MTFP1: variants seen among roughly 807,000 people sequenced by gnomAD.
The protein encoded by MTFP1 is mitochondrial fission process protein 1.
In MTFP1, 19 loss-of-function variants were observed where a neutral mutation model predicts 17.1. The observed-to-expected ratio is 1.11, with a 90% CI of 0.77 to 1.63. The LOEUF is 1.63. Among genes scored for constraint, MTFP1 ranks in the 40% most tolerant of loss-of-function variants. MTFP1 has a pLI of 0.00. For synonymous variants in MTFP1, 89 were observed against 95.2 expected, an observed-to-expected ratio of 0.93 and a Z score of 0.38; for missense variants, 221 against 226.2, an observed-to-expected ratio of 0.98 and a Z score of 0.15.
intron 1 of MTFP1, among the ~76,000 whole-genome samples, chr22:30,426,337 T>C (rs1292549959): frequency 1.3e-5 from 2 of 151,974 alleles, no homozygotes; most frequent in Admixed American, 1.3e-4. Context: ...TGGGTGGTGG[T>C]TGCGAGGGTG....
At chr22:30,426,634 C>G in intron 1 of MTFP1, 83 bp from the exon 2 acceptor site, 1 of 1,556,144 alleles carries the variant, frequency 6.4e-7, no homozygotes, top group African/African-American at 1.4e-5. Context: ...GACTGCTTAG[C>G]TGGCTAGGAT....
chr22:30,426,264 C>A (rs1934666886), intron 1 of MTFP1, among the ~76,000 whole-genome samples: 1 of 152,054 alleles, frequency 6.6e-6, no homozygotes. Flanking sequence ...TCAGTTTCCT[C>A]CTCGGCAAAA....
rs1002984934 is a variant in MTFP1, at chr22:30,428,563, G to A, written c.*29G>A. ...TACTCTGGTACCTGGCCTGTGCATC[G>A]GCCTCCTGCTTCATGTCAACCTCCT... On this transcript the variant is annotated 3_prime_UTR_variant, in exon 4 of 4. Coordinates refer to ENST00000266263, the MANE Select transcript of MTFP1 (RefSeq NM_016498.5). 10 of 1,614,014 alleles carry A rather than the reference G, an allele frequency of 6.2e-6. No individual in the cohort carries two copies. The highest frequency in any genetic ancestry group is 6.8e-6 in the Non-Finnish European group (8 of 1,180,018).
intron 2 of MTFP1, 156 bp from the exon 3 acceptor site, chr22:30,427,015 C>A: frequency 7.3e-7 from 1 of 1,361,134 alleles, no homozygotes; most frequent in Non-Finnish European, 1.0e-6. Context: ...TGCCCCCACA[C>A]TCCCACTCCC....
intron 3 of MTFP1, 111 bp downstream of exon 3, chr22:30,427,514 T>C (rs1934696125): frequency 2.5e-6 from 3 of 1,178,098 alleles, no homozygotes; most frequent in East Asian, 2.4e-5. Flanking sequence ...CCCACTTTGC[T>C]GGAGCAATAG....
chr22:30,425,774 C>A lies in MTFP1; in HGVS notation c.-106C>A. The A allele has an allele frequency of 2.5e-6, 3 of 1,200,692 alleles. No individual in the cohort carries two copies. Among genetic ancestry groups the A allele is most frequent in the East Asian group, 3.0e-5 (1 of 33,110 alleles). The allele number at this position is 1,200,692 out of a possible 1,614,324, so 74.4% of individuals were successfully genotyped here. A position where few individuals can be genotyped will look rare whatever the true frequency, so the allele number is the denominator to read the frequency against. Reference sequence around the variant, plus strand: ...GGAGATTTCCTGACCTGTCCTTCGGCGCGGGACTTTCGGCGGGTCCCGGCC... The same window carrying A: ...GGAGATTTCCTGACCTGTCCTTCGGAGCGGGACTTTCGGCGGGTCCCGGCC... On this transcript the variant is annotated 5_prime_UTR_variant, in exon 1 of 4. Transcript: ENST00000266263.
chr22:30,427,938 A>G (rs1443211758), intron 3 of MTFP1, among the ~76,000 whole-genome samples: 1 of 152,120 alleles, frequency 6.6e-6, no homozygotes, highest in Non-Finnish European at 1.5e-5. Context: ...TTGTGGGAGT[A>G]GAAATGGCCC....
At chr22:30,428,413 C>T (rs1486644812) in intron 3 of MTFP1, 49 bp from the exon 4 acceptor site, 3 of 1,548,616 alleles carry the variant, frequency 1.9e-6, no homozygotes, top group South Asian at 1.1e-5. Context: ...CTTCTGTTCC[C>T]TCATGAACAC....
intron 1 of MTFP1, 77 bp from the exon 2 acceptor site, chr22:30,426,640 A>G: frequency 1.3e-6 from 2 of 1,570,168 alleles, no homozygotes; most frequent in Non-Finnish European, 1.7e-6. Flanking sequence ...TTAGCTGGCT[A>G]GGATGAGAAC....
rs984452987 is a variant in MTFP1, at chr22:30,428,971, A to C, written c.*437A>C. ...AGGAGCGGCAGACAACTCAGGGAGA[A>C]ACTCAGGAGTGCAGTACCAGGGACA... On this transcript the variant is annotated 3_prime_UTR_variant, in exon 4 of 4. Transcript: ENST00000266263. 9.3e-6 allele frequency: 4 copies of C among 432,072 alleles called. No homozygotes were observed. The highest frequency in any genetic ancestry group is 8.0e-5 in the African/African-American group (4 of 49,756). The allele number at this position is 432,072 out of a possible 1,614,324, so 26.8% of individuals were successfully genotyped here.
rs763236441 is a variant in MTFP1, at chr22:30,428,773, G to A, written c.*239G>A. 4.1e-6 allele frequency: 5 copies of A among 1,208,598 alleles called. No homozygotes were observed. The highest frequency in any genetic ancestry group is 1.3e-5 in the South Asian group (1 of 78,022). The allele number at this position is 1,208,598 out of a possible 1,614,324, so 74.9% of individuals were successfully genotyped here. A position where few individuals can be genotyped will look rare whatever the true frequency, so the allele number is the denominator to read the frequency against. On this transcript the variant is annotated 3_prime_UTR_variant, in exon 4 of 4. Transcript: ENST00000266263. ...GGAATCCAAGATGCTGAGTGGAAGT[G>A]GACCCTGGGTGGGCCCGGCCCTGTC...
chr22:30,427,110 C>T, intron 2 of MTFP1, 61 bp from the exon 3 acceptor site: 1 of 1,570,710 alleles, frequency 6.4e-7, no homozygotes, highest in Non-Finnish European at 8.8e-7. Context: ...AGCCTCGTGC[C>T]CCTTGTCGCA....
chr22:30,426,935 G>T, intron 2 of MTFP1, 91 bp downstream of exon 2: 1 of 1,577,994 alleles, frequency 6.3e-7, no homozygotes, highest in East Asian at 2.2e-5. Flanking sequence ...GTCCCTGTGG[G>T]ACACTCCAGT....
chr22:30,425,860 G>A lies in MTFP1; in HGVS notation c.-20G>A, dbSNP rs1460336246. ...GGAGCCAGTACCGGCTGTAGTGGCC[G>A]GGGCCGTGGCGGGAGAGTCATGTCA... On this transcript the variant is annotated 5_prime_UTR_variant, in exon 1 of 4. Coordinates refer to ENST00000266263, the MANE Select transcript of MTFP1 (RefSeq NM_016498.5). The A allele has an allele frequency of 1.3e-6, 2 of 1,533,138 alleles. No homozygotes were observed. The highest frequency in any genetic ancestry group is 1.4e-5 in the African/African-American group (1 of 71,412). 95.0% of individuals were successfully genotyped at this position (1,533,138 alleles called of 1,614,324 possible).
In MTFP1 at chr22:30,425,989, G is replaced by C. The variant is rs1484789911; in HGVS notation, c.67+43G>C. The C allele has an allele frequency of 9.0e-6, 13 of 1,447,866 alleles. No homozygotes were observed. In the South Asian group the frequency reaches 1.7e-4, roughly 19 times the overall value. 89.7% of individuals were successfully genotyped at this position (1,447,866 alleles called of 1,614,324 possible). A position where few individuals can be genotyped will look rare whatever the true frequency, so the allele number is the denominator to read the frequency against. On this transcript the variant is annotated intron_variant, in intron 1 of 3. Coordinates refer to ENST00000266263, the MANE Select transcript of MTFP1 (RefSeq NM_016498.5). The stretch of plus-strand genomic sequence containing the variant: ...GGCGCGGCGACCCCACCACCACTGG[G>C]CTGGAGAAGCAGGGGTCGCCGGACG...
Position 30,427,343 on chromosome 22 carries a change from A to G in MTFP1, c.368A>G (p.Lys123Arg), listed in dbSNP as rs771757550. The G allele has an allele frequency of 1.9e-6, 3 of 1,614,054 alleles. No individual in the cohort carries two copies. The highest frequency in any genetic ancestry group is 2.5e-6 in the Non-Finnish European group (3 of 1,180,056). ...TATRWPLAVR[K>R]WTTTALGLLT... is the part of the protein sequence containing the mutation. ...ACCCGCTGGCCCCTGGCTGTCCGCA[A>G]GTGGACCACCACCGCGCTTGGGCTG... is the stretch of plus-strand genomic sequence containing the variant. Residue 123 changes from lysine (K) to arginine (R), a missense_variant, in exon 3 of 4, where the codon AAG (lysine) becomes AGG (arginine). Lys to Arg is a conservative substitution (Grantham distance 26, BLOSUM62 2). Coordinates refer to ENST00000266263, the MANE Select transcript of MTFP1 (RefSeq NM_016498.5).
rs759933824 is a variant in MTFP1, at chr22:30,427,265, G to A, written c.290G>A (p.Gly97Asp). The part of the protein sequence containing the change: ...WQALASVAIP[G>D]FTINRVCAAS... ...GCTCTAGCCTCTGTGGCCATTCCGG[G>A]CTTCACCATCAACCGCGTGTGTGCT... Residue 97 changes from glycine (G) to aspartate (D), a missense_variant, in exon 3 of 4, where the codon GGC becomes GAC. By Grantham distance (94) the Gly-to-Asp change is moderately conservative. Transcript: ENST00000266263. The A allele has an allele frequency of 1.9e-6, 3 of 1,614,038 alleles. No individual in the cohort carries two copies. The highest frequency in any genetic ancestry group is 1.7e-5 in the Admixed American group (1 of 60,030).
intron 3 of MTFP1, among the ~76,000 whole-genome samples, 174 bp from the exon 4 acceptor site, chr22:30,428,288 T>C (rs937481079): frequency 2.0e-5 from 3 of 152,190 alleles, no homozygotes; most frequent in African/African-American, 7.2e-5. Flanking sequence ...GGGAGTTTGA[T>C]TCTAGCTTCC....
Position 30,428,454 on chromosome 22 carries a change from C to T in MTFP1, c.429-8C>T, listed in dbSNP as rs1334059513. 1.2e-6 allele frequency: 2 copies of T among 1,613,626 alleles called. No individual in the cohort carries two copies. Among genetic ancestry groups the T allele is most frequent in the South Asian group, 2.2e-5 (2 of 91,064 alleles). On this transcript the variant is annotated splice_region_variant and splice_polypyrimidine_tract_variant and intron_variant, in intron 3 of 3. Coordinates refer to ENST00000266263, the MANE Select transcript of MTFP1 (RefSeq NM_016498.5). Reference sequence around the variant, plus strand: ...GTCACCTGCTCACCACCCTTCCACTCCCTACAGGTCGGTGGATTTCCTCCT... The same window carrying T: ...GTCACCTGCTCACCACCCTTCCACTTCCTACAGGTCGGTGGATTTCCTCCT...
Sources: gnomAD v4.1 joint callset for allele counts (sites outside exome capture counted in the v4.1 genomes callset) on GRCh38, gnomAD v4.1.1 for gene constraint, MANE v1.5 for transcripts, NCBI Gene and HGNC (gene_info 2026-07-23, HGNC 2026-07-21) for gene names.